The following GDF7 variants were observed in gnomAD, a reference collection of about 807,000 sequenced individuals.
The protein encoded by GDF7 is growth differentiation factor 7, also known as growth/differentiation factor 7.
In GDF7, 12 loss-of-function variants were observed where a neutral mutation model predicts 13.4. That is an observed-to-expected ratio of 0.90 (90% confidence interval 0.57 to 1.45). GDF7 has a LOEUF of 1.45. Among genes scored for constraint, GDF7 ranks in the 40% most tolerant of loss-of-function variants. The pLI is 0.00. For synonymous variants in GDF7, 330 were observed against 306.4 expected (o/e 1.08, Z -0.80); for missense variants, 651 against 652.4 (o/e 1.00, Z 0.02).
chr2:20,677,396 T>C lies in GDF7; in HGVS notation c.*5971T>C, dbSNP rs1040507761. On this transcript the variant is annotated 3_prime_UTR_variant, in exon 2 of 2. Transcript: ENST00000272224. Reference sequence around the variant, plus strand: ...TCCCGTTTCATTACCTTTTGTGTTGTGGGCCAACAGGAGTGCTACGTAGTG... The same window carrying C: ...TCCCGTTTCATTACCTTTTGTGTTGCGGGCCAACAGGAGTGCTACGTAGTG... The C allele has an allele frequency of 1.3e-5, 2 of 152,252 alleles. No homozygotes were observed. Among genetic ancestry groups the C allele is most frequent in the African/African-American group, 2.4e-5 (1 of 41,468 alleles). 9.4% of individuals were successfully genotyped at this position (152,252 alleles called of 1,614,324 possible).
At chr2:20,669,560 C>T (rs1407401748) in intron 1 of GDF7, among the ~76,000 whole-genome samples, 1 of 152,226 alleles carries the variant, frequency 6.6e-6, no homozygotes, top group Non-Finnish European at 1.5e-5. Flanking sequence ...CTCCTGGAAG[C>T]GAGACCTCGT....
At chr2:20,670,288 C>T (rs1396644135) in intron 1 of GDF7, among the ~76,000 whole-genome samples, 176 bp from the exon 2 acceptor site, 1 of 152,234 alleles carries the variant, frequency 6.6e-6, no homozygotes, top group Non-Finnish European at 1.5e-5. Context: ...TGCTCTGGGC[C>T]AGGCTGGCAG....
Position 20,670,973 on chromosome 2 carries a change from C to A in GDF7, c.901C>A (p.Pro301Thr), listed in dbSNP as rs1662110913. The A allele has an allele frequency of 6.4e-7, 1 of 1,558,050 alleles. No individual in the cohort carries two copies. Among genetic ancestry groups the A allele is most frequent in the Admixed American group, 1.8e-5 (1 of 56,542 alleles). ...LGAALASEPL[P>T]DPGTGTASPR... ...GGCCGCTCTGGCCTCAGAGCCGCTG[C>A]CCGACCCAGGAACCGGCACCGCGTC... The change falls in exon 2 of 2, where the codon CCC (proline) becomes ACC (threonine). Residue 301 changes from proline to threonine, a missense_variant. Physicochemically the swap from Pro to Thr is conservative, Grantham distance 38. Coordinates refer to ENST00000272224, the MANE Select transcript of GDF7 (RefSeq NM_182828.4).
At position 20,670,658 on chromosome 2, in the gene GDF7, T is replaced by C. The variant is rs761847713; in HGVS notation, c.586T>C (p.Tyr196His). 6.5e-7 allele frequency: 1 copy of C among 1,537,204 alleles called. No individual in the cohort carries two copies. Among genetic ancestry groups the C allele is most frequent in the South Asian group, 1.2e-5 (1 of 82,556 alleles). ...PGAARAPRLLYSRAAEPLVGQ... is the reference protein window; with the variant it reads ...PGAARAPRLLHSRAAEPLVGQ... ...CGCCGCCCGAGCGCCACGCCTGCTG[T>C]ACTCGCGGGCAGCTGAGCCCCTAGT... is the stretch of plus-strand genomic sequence containing the variant. The change falls in exon 2 of 2, where the codon TAC becomes CAC. Residue 196 changes from tyrosine to histidine, a missense_variant. Around this residue, in one of 4 missense-constraint regions of GDF7, gnomAD observed 487 missense variants for 445.9 expected, o/e 1.09. Transcript: ENST00000272224.
rs1345914391 is a variant in GDF7 at position 20,678,416 on chromosome 2, T to C, written c.*6991T>C. 1 of 152,228 alleles carries C rather than the reference T, an allele frequency of 6.6e-6. No individual in the cohort carries two copies. Among genetic ancestry groups the C allele is most frequent in the Non-Finnish European group, 1.5e-5 (1 of 68,038 alleles). 9.4% of individuals were successfully genotyped at this position (152,228 alleles called of 1,614,324 possible). On this transcript the variant is annotated 3_prime_UTR_variant, in exon 2 of 2. Coordinates refer to ENST00000272224, the MANE Select transcript of GDF7 (RefSeq NM_182828.4). ...AATGCATTTTTTACAAGGATTAACA[T>C]GCTAACTACAACTTGCCCTTTCAGC... is the stretch of plus-strand genomic sequence containing the variant.
chr2:20,677,549 C>T lies in GDF7; in HGVS notation c.*6124C>T, dbSNP rs1662251853. On this transcript the variant is annotated 3_prime_UTR_variant, in exon 2 of 2. Coordinates refer to ENST00000272224, the MANE Select transcript of GDF7 (RefSeq NM_182828.4). ...GTTCTGCATCTAGCTCCTGCCCAGACCTTTGGCTGCCAGAATCTAGAACCA... is the reference window on the plus strand; with the variant it reads ...GTTCTGCATCTAGCTCCTGCCCAGATCTTTGGCTGCCAGAATCTAGAACCA... 1 of 152,256 alleles carries T rather than the reference C, an allele frequency of 6.6e-6. No homozygotes were observed. Among genetic ancestry groups the T allele is most frequent in the Non-Finnish European group, 1.5e-5 (1 of 68,048 alleles). The allele number at this position is 152,256 out of a possible 1,614,324, so 9.4% of individuals were successfully genotyped here. A position where few individuals can be genotyped will look rare whatever the true frequency, so the allele number is the denominator to read the frequency against.
intron 1 of GDF7, among the ~76,000 whole-genome samples, chr2:20,668,878 G>A (rs1003503758): frequency 2.0e-5 from 3 of 152,196 alleles, no homozygotes; most frequent in Non-Finnish European, 4.4e-5. Flanking sequence ...ATACTTATAG[G>A]ACGCCCTAGT....
rs758601143 is a variant in GDF7, at chr2:20,667,598, C to A, written c.359C>A (p.Thr120Lys). The change falls in exon 1 of 2, where the codon ACG (threonine) becomes AAG (lysine). Residue 120 changes from threonine to lysine, a missense_variant. Thr to Lys is a moderately conservative substitution (Grantham distance 78). Coordinates refer to ENST00000272224, the MANE Select transcript of GDF7 (RefSeq NM_182828.4). This position sits in a 1 kb window ranked among gnomAD's most constrained non-coding sequence, Gnocchi z 6.4. ...GCCTCGGGCCATGGTCGCGCGGACA[C>A]GATCACCGGCTTCACAGACCAGGCG... ...VSASGHGRAD[T>K]ITGFTDQATQ... 4.6e-6 allele frequency: 7 copies of A among 1,510,044 alleles called. No individual in the cohort carries two copies. The highest frequency in any genetic ancestry group is 1.2e-5 in the South Asian group (1 of 81,956). The allele number at this position is 1,510,044 out of a possible 1,614,324, so 93.5% of individuals were successfully genotyped here. A position where few individuals can be genotyped will look rare whatever the true frequency, so the allele number is the denominator to read the frequency against.
chr2:20,667,728 C>G lies in GDF7; in HGVS notation c.391+98C>G, dbSNP rs1225788166. ...AGCTCCGTTACATTTGGAGCCGCGG[C>G]CCCATGCGGCCCACCCTCAGGTGAT... On this transcript the variant is annotated intron_variant, in intron 1 of 1. Transcript: ENST00000272224. The surrounding 1 kb of genome is among the most constrained non-coding windows in gnomAD (Gnocchi z 6.4). 4 of 875,444 alleles carry G rather than the reference C, an allele frequency of 4.6e-6. No homozygotes were observed. In the African/African-American group the frequency reaches 7.1e-5, roughly 15 times the overall value. The allele number at this position is 875,444 out of a possible 1,614,324, so 54.2% of individuals were successfully genotyped here. A position where few individuals can be genotyped will look rare whatever the true frequency, so the allele number is the denominator to read the frequency against.
In GDF7 at chr2:20,670,818, G is replaced by A. The variant is rs747979699; in HGVS notation, c.746G>A (p.Arg249Gln). 31 of 1,495,060 alleles carry A rather than the reference G, an allele frequency of 2.1e-5. No individual in the cohort carries two copies. Among genetic ancestry groups the A allele is most frequent in the Non-Finnish European group, 2.1e-5 (24 of 1,128,610 alleles). The allele number at this position is 1,495,060 out of a possible 1,614,324, so 92.6% of individuals were successfully genotyped here. A position where few individuals can be genotyped will look rare whatever the true frequency, so the allele number is the denominator to read the frequency against. ...GPVPSPLALRRLGFGWPGGGG... is the reference protein window; with the variant it reads ...GPVPSPLALRQLGFGWPGGGG... Reference sequence around the variant, plus strand: ...GTGCCGAGCCCGTTGGCACTGCGGCGGCTGGGCTTCGGCTGGCCGGGCGGA... The same window carrying A: ...GTGCCGAGCCCGTTGGCACTGCGGCAGCTGGGCTTCGGCTGGCCGGGCGGA... The change falls in exon 2 of 2, where the codon CGG becomes CAG. Residue 249 changes from arginine (R) to glutamine (Q), a missense_variant. Arg to Gln is a conservative substitution (Grantham distance 43). Coordinates refer to ENST00000272224, the MANE Select transcript of GDF7 (RefSeq NM_182828.4).
chr2:20,670,473 C>A lies in GDF7; in HGVS notation c.401C>A (p.Ala134Glu). Residue 134 changes from alanine to glutamate, a missense_variant, in exon 2 of 2, where the codon GCA becomes GAA. Ala to Glu is a moderately radical substitution (Grantham distance 107). Transcript: ENST00000272224. ...FTDQATQDES[A>E]AETGQSFLFD... The stretch of plus-strand genomic sequence containing the variant: ...TGCCGGTCCCCCGCAGACGAATCGG[C>A]AGCCGAAACAGGCCAGAGCTTCCTG... The A allele has an allele frequency of 6.5e-7, 1 of 1,537,946 alleles. No individual in the cohort carries two copies. The highest frequency in any genetic ancestry group is 8.8e-7 in the Non-Finnish European group (1 of 1,141,348).
rs904109393 is a variant in GDF7 at position 20,673,011 on chromosome 2, A to C, written c.*1586A>C. 3.9e-5 allele frequency: 6 copies of C among 152,148 alleles called. No homozygotes were observed. Among genetic ancestry groups the C allele is most frequent in the Non-Finnish European group, 8.8e-5 (6 of 68,030 alleles). 9.4% of individuals were successfully genotyped at this position (152,148 alleles called of 1,614,324 possible). The stretch of plus-strand genomic sequence containing the variant: ...TCGGTGCATCTGTGTGATGTTGTGT[A>C]GGACTTTCCCCTTCAGAGTCCTGGG... On this transcript the variant is annotated 3_prime_UTR_variant, in exon 2 of 2. Coordinates refer to ENST00000272224, the MANE Select transcript of GDF7 (RefSeq NM_182828.4).
chr2:20,667,291 C>A lies in GDF7; in HGVS notation c.52C>A (p.Arg18Ser). 1.7e-6 allele frequency: 2 copies of A among 1,208,162 alleles called. No individual in the cohort carries two copies. Among genetic ancestry groups the A allele is most frequent in the South Asian group, 2.3e-5 (1 of 43,762 alleles). The allele number at this position is 1,208,162 out of a possible 1,614,324, so 74.8% of individuals were successfully genotyped here. A position where few individuals can be genotyped will look rare whatever the true frequency, so the allele number is the denominator to read the frequency against. ...GTGCCTTTGGCTGCTGAGCGCCTGC[C>A]GCCCCCGCGACGGGCTGGAAGCGGC... is the stretch of plus-strand genomic sequence containing the variant. ...ALCLWLLSAC[R>S]PRDGLEAAAV... The change falls in exon 1 of 2, where the codon CGC becomes AGC. Residue 18 changes from arginine to serine, a missense_variant. Arg to Ser is a moderately radical substitution (Grantham distance 110, BLOSUM62 -1). Transcript: ENST00000272224. This position sits in a 1 kb window ranked among gnomAD's most constrained non-coding sequence, Gnocchi z 6.4.
chr2:20,667,517 T>C lies in GDF7; in HGVS notation c.278T>C (p.Met93Thr), dbSNP rs1445812181. ...TCGGTGGTGCCGCACCACTTCATGA[T>C]GTCGCTTTACCGGAGCCTGGCCGGG... ...NGSVVPHHFM[M>T]SLYRSLAGRA... The change falls in exon 1 of 2, where the codon ATG (methionine) becomes ACG (threonine). Residue 93 changes from methionine (M) to threonine (T), a missense_variant. Met to Thr is a moderately conservative substitution (Grantham distance 81). This residue lies in a region of GDF7 where 487 missense variants were observed against 445.9 expected (regional missense o/e 1.09). Coordinates refer to ENST00000272224, the MANE Select transcript of GDF7 (RefSeq NM_182828.4). The surrounding 1 kb of genome is among the most constrained non-coding windows in gnomAD (Gnocchi z 6.4). 7.1e-7 allele frequency: 1 copy of C among 1,404,242 alleles called. No individual in the cohort carries two copies. The highest frequency in any genetic ancestry group is 3.0e-5 in the Admixed American group (1 of 33,802). The allele number at this position is 1,404,242 out of a possible 1,614,324, so 87.0% of individuals were successfully genotyped here.
Position 20,674,191 on chromosome 2 carries a change from C to T in GDF7, c.*2766C>T, listed in dbSNP as rs1359160613. The T allele has an allele frequency of 6.6e-6, 1 of 152,210 alleles. No homozygotes were observed. The highest frequency in any genetic ancestry group is 1.5e-5 in the Non-Finnish European group (1 of 68,038). The allele number at this position is 152,210 out of a possible 1,614,324, so 9.4% of individuals were successfully genotyped here. ...GCCTGGGTGACTGGCATGAACCCAG[C>T]TTCTCTGTTGCAACCCCCAGCTGGA... On this transcript the variant is annotated 3_prime_UTR_variant, in exon 2 of 2. Coordinates refer to ENST00000272224, the MANE Select transcript of GDF7 (RefSeq NM_182828.4).
At position 20,667,225 on chromosome 2, in the gene GDF7, C is replaced by A; in HGVS notation, c.-15C>A. 6 of 1,178,690 alleles carry A rather than the reference C, an allele frequency of 5.1e-6. No individual in the cohort carries two copies. The highest frequency in any genetic ancestry group is 5.2e-6 in the Non-Finnish European group (5 of 954,906). 73.0% of individuals were successfully genotyped at this position (1,178,690 alleles called of 1,614,324 possible). On this transcript the variant is annotated 5_prime_UTR_variant, in exon 1 of 2. Coordinates refer to ENST00000272224, the MANE Select transcript of GDF7 (RefSeq NM_182828.4). This position sits in a 1 kb window ranked among gnomAD's most constrained non-coding sequence, Gnocchi z 6.4. ...ACGGAGCCCGCGCCGCCCGCCCGCCCGGCCCACGGAGCCCATGGACCTGAG... is the reference window on the plus strand; with the variant it reads ...ACGGAGCCCGCGCCGCCCGCCCGCCAGGCCCACGGAGCCCATGGACCTGAG...
In GDF7 at chr2:20,667,347, G is replaced by A. The variant is rs1461692334; in HGVS notation, c.108G>A (p.Pro36=). The change falls in exon 1 of 2, where the codon CCG becomes CCA. Residue 36 remains proline, a synonymous_variant. Coordinates refer to ENST00000272224, the MANE Select transcript of GDF7 (RefSeq NM_182828.4). The surrounding 1 kb of genome is among the most constrained non-coding windows in gnomAD (Gnocchi z 6.4). The stretch of plus-strand genomic sequence containing the variant: ...TGCTGCGAGCGGCGGGGGCTGGGCC[G>A]GTCCGGAGCCCAGGGGGCGGCGGCG... ...AAVLRAAGAG[P]VRSPGGGGGG... is the part of the protein sequence containing the mutation. 1.1e-6 allele frequency: 1 copy of A among 902,386 alleles called. No homozygotes were observed. Among genetic ancestry groups the A allele is most frequent in the African/African-American group, 2.3e-5 (1 of 43,362 alleles). The allele number at this position is 902,386 out of a possible 1,614,324, so 55.9% of individuals were successfully genotyped here.
In GDF7 at chr2:20,672,107, AC is replaced by A. The variant is rs57730611; in HGVS notation, c.*699del. ...GATTTCTGCAAAGGTCGGTACCGCC[AC>A]CCCCCCCCCCCCCCCCGCCTTTTTT... On this transcript the variant is annotated 3_prime_UTR_variant, in exon 2 of 2. Transcript: ENST00000272224. The A allele has an allele frequency of 1.8e-4, 25 of 139,086 alleles. 1 individual carries two copies. Among genetic ancestry groups the A allele is most frequent in the Middle Eastern group, 3.8e-3 (1 of 262 alleles). The allele number at this position is 139,086 out of a possible 1,614,324, so 8.6% of individuals were successfully genotyped here.
rs1362837155 is a variant in GDF7 at position 20,671,236 on chromosome 2, G to C, written c.1164G>C (p.Ser388=). Reference sequence around the variant, plus strand: ...GCCTTTGCGACTTCCCTTTGCGTTCGCACCTCGAGCCCACCAACCATGCCA... The same window carrying C: ...GCCTTTGCGACTTCCCTTTGCGTTCCCACCTCGAGCCCACCAACCATGCCA... ...CEGLCDFPLR[S]HLEPTNHAII... Residue 388 remains serine, a synonymous_variant, in exon 2 of 2, where the codon TCG becomes TCC. Transcript: ENST00000272224. 1.2e-6 allele frequency: 2 copies of C among 1,613,954 alleles called. No individual in the cohort carries two copies. The highest frequency in any genetic ancestry group is 1.7e-6 in the Non-Finnish European group (2 of 1,179,936).
Sources: allele counts gnomAD v4.1 joint callset (sites outside exome capture counted in the v4.1 genomes callset), GRCh38; gene constraint gnomAD v4.1.1; regional missense constraint gnomAD v4.1.1; non-coding constraint Gnocchi (gnomAD v3.1); transcripts MANE v1.5; gene names NCBI Gene and HGNC (gene_info 2026-07-23, HGNC 2026-07-21).